PELI1: variants seen among roughly 807,000 people sequenced by gnomAD.
The protein encoded by PELI1 is E3 ubiquitin-protein ligase pellino homolog 1.
Under a neutral mutation model 41.3 loss-of-function variants are expected in PELI1, and 15 were observed. That is an observed-to-expected ratio of 0.36 (90% CI 0.24 to 0.56). The LOEUF (loss-of-function observed/expected upper bound fraction) is 0.56, where lower values mean the gene tolerates loss of function less well. PELI1 is among the 20% of genes least tolerant of loss of function. The pLI, the probability that PELI1 is intolerant of heterozygous loss-of-function variation, is 0.82. For synonymous variants in PELI1, 178 were observed against 180.1 expected (o/e 0.99, Z 0.09); for missense variants, 403 against 525.5 (o/e 0.77, Z 2.28).
intron 1 of PELI1, among the ~76,000 whole-genome samples, chr2:64,131,170 T>C (rs1681541081): frequency 1.3e-5 from 2 of 152,056 alleles, no homozygotes; most frequent in Admixed American, 6.5e-5. Flanking sequence ...AAACTAGCTA[T>C]CAACAAATTT....
At chr2:64,124,730 G>A (rs914480130) in intron 1 of PELI1, among the ~76,000 whole-genome samples, 1 of 152,184 alleles carries the variant, frequency 6.6e-6, no homozygotes, top group African/African-American at 2.4e-5. Context: ...TTCAATGAGT[G>A]TTCTCTCTGA....
chr2:64,108,361 A>T lies in PELI1; in HGVS notation c.-51T>A. 9.3e-7 allele frequency: 1 copy of T among 1,077,160 alleles called. No individual in the cohort carries two copies. Among genetic ancestry groups the T allele is most frequent in the Non-Finnish European group, 1.4e-6 (1 of 696,350 alleles). 66.7% of individuals were successfully genotyped at this position (1,077,160 alleles called of 1,614,324 possible). On this transcript the variant is annotated 5_prime_UTR_variant, in exon 2 of 7. Coordinates refer to ENST00000358912, the MANE Select transcript of PELI1 (RefSeq NM_020651.4). Reference sequence around the variant, plus strand: ...TTGTTCACTGGTCAGGAGCCTTGGGACACCTTTTGCATTATTTCCTAGAGG... The same window carrying T: ...TTGTTCACTGGTCAGGAGCCTTGGGTCACCTTTTGCATTATTTCCTAGAGG...
chr2:64,104,430 C>T, intron 3 of PELI1: 1 of 314,332 alleles, frequency 3.2e-6, no homozygotes, highest in Non-Finnish European at 5.7e-6. Context: ...AAGCCCTGTC[C>T]CCCATCCCAC....
Position 64,100,601 on chromosome 2 carries a change from A to G in PELI1, c.202-102T>C, listed in dbSNP as rs745496514. On this transcript the variant is annotated intron_variant, in intron 3 of 6. Coordinates refer to ENST00000358912, the MANE Select transcript of PELI1 (RefSeq NM_020651.4). ...GAAAACTATTTATCAAATACATGAC[A>G]TATTTATACATTTTCCCCCTGAAAT... 1.9e-4 allele frequency: 137 copies of G among 719,092 alleles called. 1 individual carries two copies. The highest frequency in any genetic ancestry group is 2.6e-4 in the Non-Finnish European group (105 of 401,096). 44.5% of individuals were successfully genotyped at this position (719,092 alleles called of 1,614,324 possible).
intron 2 of PELI1, 87 bp downstream of exon 2, chr2:64,108,153 T>G: frequency 1.4e-6 from 1 of 722,198 alleles, no homozygotes; most frequent in Non-Finnish European, 2.4e-6. Context: ...AAGATATAAA[T>G]TCCAAAAAAA....
At position 64,094,642 on chromosome 2, in the gene PELI1, C is replaced by A. The variant is rs1024368786; in HGVS notation, c.*60G>T. 3.9e-6 allele frequency: 5 copies of A among 1,275,926 alleles called. No individual in the cohort carries two copies. The African/African-American group carries it at 7.4e-5, about 19-fold the overall frequency. The allele number at this position is 1,275,926 out of a possible 1,614,324, so 79.0% of individuals were successfully genotyped here. On this transcript the variant is annotated 3_prime_UTR_variant, in exon 7 of 7. Coordinates refer to ENST00000358912, the MANE Select transcript of PELI1 (RefSeq NM_020651.4). ...AAAACTGTGACGTGGACAACAGGTT[C>A]GAAAACCCAACTCACTTAGCTTATA... is the stretch of plus-strand genomic sequence containing the variant.
At chr2:64,110,289 G>T (rs961792822) in intron 1 of PELI1, among the ~76,000 whole-genome samples, 4 of 146,488 alleles carry the variant, frequency 2.7e-5, no homozygotes, top group Non-Finnish European at 4.5e-5. Flanking sequence ...CCTGGAAGCA[G>T]AGAGAGAGAG....
At chr2:64,101,448 CTTTTCAGTTT>C (rs1442476340) in intron 3 of PELI1, among the ~76,000 whole-genome samples, 1 of 151,852 alleles carries the variant, frequency 6.6e-6, no homozygotes, top group Non-Finnish European at 1.5e-5. Flanking sequence ...CTAAAAAGAA[CTTTTCAGTTT>C]TGTTTTCAAG....
At chr2:64,138,054 GA>G (rs1681775564) in intron 1 of PELI1, among the ~76,000 whole-genome samples, 1 of 152,016 alleles carries the variant, frequency 6.6e-6, no homozygotes, top group Non-Finnish European at 1.5e-5. Flanking sequence ...TGCTGATGCT[GA>G]TTTTATGTAC....
chr2:64,113,336 A>C (rs896381547), intron 1 of PELI1, among the ~76,000 whole-genome samples: 1 of 151,936 alleles, frequency 6.6e-6, no homozygotes, highest in East Asian at 1.9e-4. Context: ...CATGTACTTG[A>C]GAACTTTAAA....
chr2:64,102,939 C>A (rs1680495260), intron 3 of PELI1, among the ~76,000 whole-genome samples: 1 of 151,308 alleles, frequency 6.6e-6, no homozygotes, highest in Non-Finnish European at 1.5e-5. Context: ...GCCTCCCGGG[C>A]TCAAGTGATC....
intron 1 of PELI1, among the ~76,000 whole-genome samples, chr2:64,124,104 A>G (rs938406748): frequency 6.6e-6 from 1 of 152,202 alleles, no homozygotes; most frequent in Non-Finnish European, 1.5e-5. Context: ...CAGAGACAGA[A>G]AGAAAGTAGA....
In PELI1 at chr2:64,108,251, G is replaced by C; in HGVS notation, c.60C>G (p.Leu20=). 1 of 1,566,322 alleles carries C rather than the reference G, an allele frequency of 6.4e-7. No individual in the cohort carries two copies. Among genetic ancestry groups the C allele is most frequent in the South Asian group, 1.1e-5 (1 of 90,010 alleles). Residue 20 remains leucine, a synonymous_variant, in exon 2 of 7, where the codon CTC becomes CTG. Transcript: ENST00000358912. ...PSKAPVKYGE[L]IVLGYNGSLP... is the part of the protein sequence containing the mutation. ...TGGAGAAACCTTACCCTAAGACAATGAGTTCACCATATTTTACTGGTGCTT... is the reference window on the plus strand; with the variant it reads ...TGGAGAAACCTTACCCTAAGACAATCAGTTCACCATATTTTACTGGTGCTT...
At chr2:64,113,184 C>T (rs1276595807) in intron 1 of PELI1, among the ~76,000 whole-genome samples, 1 of 151,660 alleles carries the variant, frequency 6.6e-6, no homozygotes, top group Non-Finnish European at 1.5e-5. Context: ...CACCTATAGC[C>T]CCAGCTACTC....
chr2:64,094,863 G>C lies in PELI1; in HGVS notation c.1096C>G (p.Pro366Ala), dbSNP rs1323311721. The C allele has an allele frequency of 6.2e-7, 1 of 1,614,178 alleles. No homozygotes were observed. Among genetic ancestry groups the C allele is most frequent in the Non-Finnish European group, 8.5e-7 (1 of 1,180,036 alleles). Reference protein sequence around the residue: ...DAGPPTHAFSPCGHVCSEKTT... With the variant: ...DAGPPTHAFSACGHVCSEKTT... Reference sequence around the variant, plus strand: ...TTTTCTGAACACACATGCCCACACGGGCTAAACGCATGGGTTGGAGGGCCG... The same window carrying C: ...TTTTCTGAACACACATGCCCACACGCGCTAAACGCATGGGTTGGAGGGCCG... Residue 366 changes from proline (P) to alanine (A), a missense_variant, in exon 7 of 7, where the codon CCG becomes GCG. Transcript: ENST00000358912.
intron 1 of PELI1, among the ~76,000 whole-genome samples, chr2:64,134,400 C>A (rs1196350889): frequency 1.3e-5 from 2 of 152,076 alleles, no homozygotes; most frequent in African/African-American, 2.4e-5. Flanking sequence ...ATCCTAGTTC[C>A]TTTGGAGAAC....
intron 1 of PELI1, among the ~76,000 whole-genome samples, chr2:64,136,513 G>C (rs1487416523): frequency 6.6e-6 from 1 of 152,166 alleles, no homozygotes; most frequent in Non-Finnish European, 1.5e-5. Context: ...TCCTTACACA[G>C]TTATATACTT....
chr2:64,105,362 C>A (rs1328803647), intron 2 of PELI1, among the ~76,000 whole-genome samples: 2 of 152,138 alleles, frequency 1.3e-5, no homozygotes, highest in Admixed American at 6.5e-5. Flanking sequence ...AGAACCTGTC[C>A]AACAGACATG....
chr2:64,113,467 C>G (rs1285684926), intron 1 of PELI1, among the ~76,000 whole-genome samples: 1 of 152,122 alleles, frequency 6.6e-6, no homozygotes, highest in Non-Finnish European at 1.5e-5. Context: ...GCACCAAGAA[C>G]ATGAAATAGC....
Sources: gnomAD v4.1 joint callset for allele counts (sites outside exome capture counted in the v4.1 genomes callset) on GRCh38, gnomAD v4.1.1 for gene constraint, MANE v1.5 for transcripts, NCBI Gene and HGNC (gene_info 2026-07-23, HGNC 2026-07-21) for gene names.